Variants in CNNM2 observed in about 807,000 individuals in gnomAD.
CNNM2 encodes metal transporter CNNM2.
In CNNM2, 12 loss-of-function variants were observed where a neutral mutation model predicts 66.9. That is an observed-to-expected ratio of 0.18 (90% confidence interval 0.11 to 0.29). The LOEUF (loss-of-function observed/expected upper bound fraction) is 0.29. Among genes scored for constraint, CNNM2 ranks in the 10% least tolerant of loss-of-function variants. CNNM2 has a pLI of 1.00. For synonymous variants in CNNM2, 557 were observed against 501.8 expected (o/e 1.11, Z -1.47); for missense variants, 705 against 1,167.7 (o/e 0.60, Z 5.77).
At chr10:103,071,652 T>A in intron 5 of CNNM2, 122 bp from the exon 6 acceptor site, 1 of 826,806 alleles carries the variant, frequency 1.2e-6, no homozygotes, top group South Asian at 1.3e-5. Flanking sequence ...CCGACTTGCA[T>A]TTCTGCAACT....
chr10:103,050,635 G>C (rs1165083746), intron 2 of CNNM2, among the ~76,000 whole-genome samples: 3 of 152,074 alleles, frequency 2.0e-5, no homozygotes, highest in African/African-American at 7.2e-5. Context: ...GTGGAGGTGA[G>C]ATGTGCAAGT....
At chr10:103,020,319 C>G (rs1357584481) in intron 1 of CNNM2, among the ~76,000 whole-genome samples, 1 of 152,060 alleles carries the variant, frequency 6.6e-6, no homozygotes, top group Non-Finnish European at 1.5e-5. Context: ...CCACGCCCAG[C>G]TAATTTTTGT....
Position 103,088,393 on chromosome 10 carries a change from T to G in CNNM2, c.*11213T>G, listed in dbSNP as rs2065956528. On this transcript the variant is annotated 3_prime_UTR_variant, in exon 8 of 8. Coordinates refer to ENST00000369878, the MANE Select transcript of CNNM2 (RefSeq NM_017649.5). The stretch of plus-strand genomic sequence containing the variant: ...TGATTTCGACTTGGGATTGGGATTT[T>G]TATTTTTTGAGATGGAGTTTTGTTC... The G allele has an allele frequency of 6.6e-6, 1 of 152,348 alleles. No individual in the cohort carries two copies. The highest frequency in any genetic ancestry group is 1.5e-5 in the Non-Finnish European group (1 of 68,038). 9.4% of individuals were successfully genotyped at this position (152,348 alleles called of 1,614,324 possible). A position where few individuals can be genotyped will look rare whatever the true frequency, so the allele number is the denominator to read the frequency against.
Position 102,918,912 on chromosome 10 carries a change from C to G in CNNM2, c.432C>G (p.Asp144Glu). The G allele has an allele frequency of 6.2e-7, 1 of 1,611,722 alleles. No homozygotes were observed. Among genetic ancestry groups the G allele is most frequent in the Non-Finnish European group, 8.5e-7 (1 of 1,179,174 alleles). Residue 144 changes from aspartate to glutamate, a missense_variant, in exon 1 of 8, where the codon GAC becomes GAG. Around this residue, in one of 9 missense-constraint regions of CNNM2, gnomAD observed 100 missense variants for 151.9 expected, o/e 0.66. Transcript: ENST00000369878. This position sits in a 1 kb window ranked among gnomAD's most constrained non-coding sequence, Gnocchi z 4.1. ...GGGGCCCCGCGCCGCCAGAGCCGGA[C>G]AGCGGCCCCCAGCGATGCGGCATCC... is the stretch of plus-strand genomic sequence containing the variant. ...GLGGPAPPEP[D>E]SGPQRCGIRT... is the part of the protein sequence containing the mutation.
At chr10:103,016,206 G>C (rs1469072348) in intron 1 of CNNM2, among the ~76,000 whole-genome samples, 1 of 151,660 alleles carries the variant, frequency 6.6e-6, no homozygotes. Flanking sequence ...AATAGTATTA[G>C]GTACTGTTAG....
Position 103,071,713 on chromosome 10 carries a change from T to C in CNNM2, c.2168-61T>C. On this transcript the variant is annotated intron_variant, in intron 5 of 7. Transcript: ENST00000369878. ...CAAGTATCCCCTCCTGTCCCTTGAT[T>C]ACAGAGATCTCTGTTCTTGCCTTTT... The C allele has an allele frequency of 3.1e-6, 4 of 1,295,388 alleles. No individual in the cohort carries two copies. In the South Asian group the frequency reaches 4.7e-5, roughly 15 times the overall value. The allele number at this position is 1,295,388 out of a possible 1,614,324, so 80.2% of individuals were successfully genotyped here. A position where few individuals can be genotyped will look rare whatever the true frequency, so the allele number is the denominator to read the frequency against.
intron 1 of CNNM2, among the ~76,000 whole-genome samples, chr10:102,921,351 C>T (rs1458478580): frequency 6.6e-6 from 1 of 152,070 alleles, no homozygotes; most frequent in Admixed American, 6.5e-5. Flanking sequence ...GTGATATGTA[C>T]CTGGTGACAG....
intron 1 of CNNM2, among the ~76,000 whole-genome samples, chr10:102,926,583 C>T (rs938466238): frequency 6.6e-6 from 1 of 152,130 alleles, no homozygotes; most frequent in South Asian, 2.1e-4. Flanking sequence ...GCTCTGTTAC[C>T]CAGGCTGGAA....
At chr10:103,038,566 G>A (rs1353619546) in intron 1 of CNNM2, among the ~76,000 whole-genome samples, 1 of 152,180 alleles carries the variant, frequency 6.6e-6, no homozygotes, top group East Asian at 1.9e-4. Context: ...CCAGGAGAGG[G>A]CCCTGTATCA....
chr10:103,069,607 T>C (rs1446888723), intron 5 of CNNM2, among the ~76,000 whole-genome samples: 2 of 152,142 alleles, frequency 1.3e-5, no homozygotes, highest in Non-Finnish European at 2.9e-5. Flanking sequence ...CCATGGGGGA[T>C]TGACAGTTCT....
chr10:103,006,703 C>T (rs570810917), intron 1 of CNNM2, among the ~76,000 whole-genome samples: 4 of 152,216 alleles, frequency 2.6e-5, no homozygotes, highest in South Asian at 2.1e-4. Context: ...CTCAGCTTAC[C>T]GCAGCCTTGA....
rs2065744604 is a variant in CNNM2, at chr10:103,080,244, TG to T, written c.*3066del. ...GCCTCACCTGCTCCTGAGCAGCCACTGGTGCCCCACGGTTCCTCTGAAACTA... is the reference window on the plus strand; with the variant it reads ...GCCTCACCTGCTCCTGAGCAGCCACTGTGCCCCACGGTTCCTCTGAAACTA... On this transcript the variant is annotated 3_prime_UTR_variant, in exon 8 of 8. Transcript: ENST00000369878. 6.6e-6 allele frequency: 1 copy of T among 152,260 alleles called. No homozygotes were observed. The highest frequency in any genetic ancestry group is 1.5e-5 in the Non-Finnish European group (1 of 68,112). 9.4% of individuals were successfully genotyped at this position (152,260 alleles called of 1,614,324 possible).
chr10:103,035,170 A>T (rs1230012009), intron 1 of CNNM2, among the ~76,000 whole-genome samples: 1 of 152,034 alleles, frequency 6.6e-6, no homozygotes, highest in Non-Finnish European at 1.5e-5. Flanking sequence ...AATTCTACTA[A>T]ACGGACTACT....
intron 1 of CNNM2, among the ~76,000 whole-genome samples, chr10:103,007,199 C>CA (rs1170396733): frequency 3.3e-5 from 5 of 152,158 alleles, no homozygotes; most frequent in African/African-American, 1.2e-4. Flanking sequence ...CCTGTACGAA[C>CA]AGGGAGTAGG....
intron 1 of CNNM2, among the ~76,000 whole-genome samples, chr10:102,973,347 G>A (rs554826449): frequency 1.2e-4 from 18 of 152,052 alleles, no homozygotes; most frequent in African/African-American, 4.3e-4. Flanking sequence ...TGCAATTATG[G>A]CTCATTGGAG....
Position 102,963,926 on chromosome 10 carries a change from TTTAGAAA to T in CNNM2, c.1621+43829_1621+43835del, listed in dbSNP as rs376558996. ...AGGAATCGTGTTTTCTGAGTTTTCT[TTTAGAAA>T]TTAAACAGATGTGCATTGTTCTGAT... On this transcript the variant is annotated intron_variant, in intron 1 of 7. Transcript: ENST00000369878. Among the ~76,000 whole-genome samples the T allele has an allele frequency of 1.4e-3, 206 of 152,318 alleles. 1 individual carries two copies. Among genetic ancestry groups the T allele is most frequent in the African/African-American group, 4.7e-3 (196 of 41,582 alleles).
In CNNM2 at chr10:103,077,195, A is replaced by T; in HGVS notation, c.*15A>T. ...GCGCCATCTAGGCCGCGCTGGCTGCACCCGCCCAGGCCCGCACCCGCCCAG... is the reference window on the plus strand; with the variant it reads ...GCGCCATCTAGGCCGCGCTGGCTGCTCCCGCCCAGGCCCGCACCCGCCCAG... On this transcript the variant is annotated 3_prime_UTR_variant, in exon 8 of 8. Transcript: ENST00000369878. 6.2e-7 allele frequency: 1 copy of T among 1,608,890 alleles called. No individual in the cohort carries two copies. Among genetic ancestry groups the T allele is most frequent in the Non-Finnish European group, 8.5e-7 (1 of 1,178,802 alleles).
At position 103,090,115 on chromosome 10, in the gene CNNM2, C is replaced by T. The variant is rs965316004; in HGVS notation, c.*12935C>T. The stretch of plus-strand genomic sequence containing the variant: ...CCCCTCAAAATGGTGCCCATATTGT[C>T]TACTGCAGCTGGAAATTGGAAAAGA... On this transcript the variant is annotated 3_prime_UTR_variant, in exon 8 of 8. Transcript: ENST00000369878. 5 of 450,774 alleles carry T rather than the reference C, an allele frequency of 1.1e-5. No homozygotes were observed. Among genetic ancestry groups the T allele is most frequent in the African/African-American group, 1.0e-4 (5 of 50,136 alleles). The allele number at this position is 450,774 out of a possible 1,614,324, so 27.9% of individuals were successfully genotyped here. A position where few individuals can be genotyped will look rare whatever the true frequency, so the allele number is the denominator to read the frequency against.
At chr10:102,976,611 ATTTTTTTTTTTTTTTT>A (rs66498944) in intron 1 of CNNM2, among the ~76,000 whole-genome samples, 10 of 59,444 alleles carry the variant, frequency 1.7e-4, no homozygotes, top group East Asian at 3.7e-4. Context: ...CGCCCAGGTA[ATTTTTTTTTTTTTTTT>A]TTTTTTTTTT....
Sources: gnomAD v4.1 joint callset for allele counts (sites outside exome capture counted in the v4.1 genomes callset) on GRCh38, gnomAD v4.1.1 for gene constraint, gnomAD v4.1.1 regional missense constraint, Gnocchi (gnomAD v3.1) non-coding constraint, MANE v1.5 for transcripts, NCBI Gene and HGNC (gene_info 2026-07-23, HGNC 2026-07-21) for gene names.